MTHFD2L: variants seen among roughly 807,000 people sequenced by gnomAD.
The protein encoded by MTHFD2L is bifunctional methylenetetrahydrofolate dehydrogenase/cyclohydrolase 2, mitochondrial.
A neutral mutation model predicts 34.9 loss-of-function variants in MTHFD2L; 29 were observed. The observed-to-expected ratio is 0.83, with a 90% confidence interval of 0.62 to 1.13. MTHFD2L has a LOEUF of 1.13. Ranked by LOEUF, MTHFD2L falls within the 50% of genes most tolerant of loss-of-function variation. MTHFD2L has a pLI of 0.00. For synonymous variants in MTHFD2L, 167 were observed against 155.7 expected, an observed-to-expected ratio of 1.07 and a Z score of -0.54; for missense variants, 481 against 446.5, an observed-to-expected ratio of 1.08 and a Z score of -0.70.
rs1750372320 is a variant in MTHFD2L at position 74,301,902 on chromosome 4, T to G, written c.*93T>G. On this transcript the variant is annotated 3_prime_UTR_variant, in exon 8 of 8. Coordinates refer to ENST00000325278, the MANE Select transcript of MTHFD2L (RefSeq NM_001144978.3). ...ATATTTTACTACAAAGCTATTTATT[T>G]CTACATGGTATTTATTTTTTCATGG... is the stretch of plus-strand genomic sequence containing the variant. 2 of 592,766 alleles carry G rather than the reference T, an allele frequency of 3.4e-6. No individual in the cohort carries two copies. The highest frequency in any genetic ancestry group is 5.5e-6 in the Non-Finnish European group (2 of 364,936). The allele number at this position is 592,766 out of a possible 1,614,324, so 36.7% of individuals were successfully genotyped here. A position where few individuals can be genotyped will look rare whatever the true frequency, so the allele number is the denominator to read the frequency against.
chr4:74,291,003 C>CTTTT lies in MTHFD2L; in HGVS notation c.931+9482_931+9485dup, dbSNP rs10585551. ...CTGTCTTACATTTATTTTTCCTTTT[C>CTTTT]TTTTTTTTTTTTTTTTTTTTTTTTT... On this transcript the variant is annotated intron_variant, in intron 7 of 7. Coordinates refer to ENST00000325278, the MANE Select transcript of MTHFD2L (RefSeq NM_001144978.3). 5.7e-3 allele frequency among the ~76,000 whole-genome samples: 166 copies of CTTTT among 29,270 alleles called. 42 individuals carry two copies. The highest frequency in any genetic ancestry group is 0.018 in the East Asian group (13 of 728). 19.2% of individuals were successfully genotyped at this position (29,270 alleles called of 152,430 possible). A position where few individuals can be genotyped will look rare whatever the true frequency, so the allele number is the denominator to read the frequency against.
intron 3 of MTHFD2L, chr4:74,183,470 C>T (rs1024029458): frequency 3.3e-5 from 5 of 151,976 alleles, no homozygotes; most frequent in African/African-American, 9.7e-5. Flanking sequence ...TGGCCAACAT[C>T]GGGAAACCCC....
intron 1 of MTHFD2L, among the ~76,000 whole-genome samples, chr4:74,132,912 G>A (rs1722656999): frequency 6.6e-6 from 1 of 152,194 alleles, no homozygotes; most frequent in South Asian, 2.1e-4. Flanking sequence ...TGATTGGATT[G>A]CACACCACAA....
chr4:74,132,442 C>T (rs548666990), intron 1 of MTHFD2L, among the ~76,000 whole-genome samples: 6 of 152,258 alleles, frequency 3.9e-5, no homozygotes, highest in Non-Finnish European at 7.4e-5. Flanking sequence ...TTTGCAGAGA[C>T]ATGGGTGAAG....
intron 1 of MTHFD2L, among the ~76,000 whole-genome samples, chr4:74,137,729 G>C (rs1270004099): frequency 6.6e-6 from 1 of 152,140 alleles, no homozygotes; most frequent in Non-Finnish European, 1.5e-5. Context: ...TGGAGGAATG[G>C]ATAAAGAAAA....
At chr4:74,257,904 T>C (rs1486564182) in intron 6 of MTHFD2L, among the ~76,000 whole-genome samples, 1 of 151,844 alleles carries the variant, frequency 6.6e-6, no homozygotes, top group East Asian at 2.0e-4. Context: ...ACATACATGA[T>C]GTGATTTTCT....
chr4:74,173,860 TATATA>T (rs1467062897), intron 1 of MTHFD2L, among the ~76,000 whole-genome samples: 12 of 152,208 alleles, frequency 7.9e-5, no homozygotes, highest in Non-Finnish European at 1.6e-4. Context: ...TGCATATGTG[TATATA>T]ATATATATGT....
At chr4:74,281,235 C>A (rs1560557603) in intron 6 of MTHFD2L, among the ~76,000 whole-genome samples, 190 bp from the exon 7 acceptor site, 1 of 152,040 alleles carries the variant, frequency 6.6e-6, no homozygotes, top group Admixed American at 6.6e-5. Flanking sequence ...CCTCAGAAGT[C>A]CTGATGTGCT....
upstream of MTHFD2L, among the ~76,000 whole-genome samples, chr4:74,153,415 A>G (rs1724062986): frequency 6.6e-6 from 1 of 152,234 alleles, no homozygotes; most frequent in South Asian, 2.1e-4. Flanking sequence ...GTACTCTTTA[A>G]AGCAACTTCC....
chr4:74,285,386 G>T (rs1748038887), intron 7 of MTHFD2L, among the ~76,000 whole-genome samples: 1 of 152,022 alleles, frequency 6.6e-6, no homozygotes, highest in Non-Finnish European at 1.5e-5. Flanking sequence ...ATCATCAGTT[G>T]TATGACCAAA....
At chr4:74,186,904 A>G (rs574138251) in intron 3 of MTHFD2L, among the ~76,000 whole-genome samples, 1 of 152,308 alleles carries the variant, frequency 6.6e-6, no homozygotes, top group African/African-American at 2.4e-5. Context: ...TGATGTCAAA[A>G]TGAGTTATAA....
chr4:74,244,969 CG>C (rs1560525256), intron 6 of MTHFD2L, among the ~76,000 whole-genome samples: 1 of 151,748 alleles, frequency 6.6e-6, no homozygotes, highest in African/African-American at 2.4e-5. Flanking sequence ...CCGAGGCGGG[CG>C]GATCACAAGG....
intron 6 of MTHFD2L, among the ~76,000 whole-genome samples, chr4:74,275,933 C>G (rs1746587672): frequency 6.6e-6 from 1 of 152,088 alleles, no homozygotes; most frequent in Admixed American, 6.6e-5. Context: ...TTTTGCTGTG[C>G]AGAAGCACTT....
In MTHFD2L at chr4:74,292,623, A is replaced by C. The variant is rs150758062; in HGVS notation, c.932-9074A>C. 9.2e-5 allele frequency among the ~76,000 whole-genome samples: 14 copies of C among 152,206 alleles called. No homozygotes were observed. The East Asian group carries it at 2.7e-3, about 29-fold the overall frequency. On this transcript the variant is annotated intron_variant, in intron 7 of 7. Transcript: ENST00000325278. ...GAGACAATGACAAGAGTGTATGATG[A>C]TCTTGTATTTTTAAAGACATGATGA...
At chr4:74,277,395 A>G (rs751642673) in intron 6 of MTHFD2L, among the ~76,000 whole-genome samples, 3 of 151,930 alleles carry the variant, frequency 2.0e-5, no homozygotes, top group Non-Finnish European at 4.4e-5. Context: ...GTTGTACCCA[A>G]CACTTTCTCT....
chr4:74,279,147 A>G (rs910464067), intron 6 of MTHFD2L, among the ~76,000 whole-genome samples: 1 of 152,110 alleles, frequency 6.6e-6, no homozygotes, highest in Non-Finnish European at 1.5e-5. Flanking sequence ...CACTGCAGGA[A>G]TGAATACATT....
At chr4:74,193,829 C>T (rs1039373295) in intron 3 of MTHFD2L, among the ~76,000 whole-genome samples, 1 of 152,112 alleles carries the variant, frequency 6.6e-6, no homozygotes, top group Non-Finnish European at 1.5e-5. Flanking sequence ...TTTAAGCATG[C>T]TCTGCATAAA....
At chr4:74,175,219 A>G (rs1728792902) in intron 2 of MTHFD2L, 62 bp from the exon 3 acceptor site, 8 of 1,554,446 alleles carry the variant, frequency 5.1e-6, no homozygotes, top group South Asian at 1.2e-5. Context: ...TGTGTCAGAC[A>G]CTATTGATGA....
chr4:74,218,570 G>A (rs914237425), intron 5 of MTHFD2L, among the ~76,000 whole-genome samples: 11 of 151,828 alleles, frequency 7.2e-5, no homozygotes, highest in African/African-American at 9.7e-5. Context: ...GGAATGGCCC[G>A]GAAATGTCCA....
Sources: gnomAD v4.1 joint callset for allele counts (sites outside exome capture counted in the v4.1 genomes callset) on GRCh38, gnomAD v4.1.1 for gene constraint, MANE v1.5 for transcripts, NCBI Gene and HGNC (gene_info 2026-07-23, HGNC 2026-07-21) for gene names.